RPL31: variants seen among roughly 807,000 people sequenced by gnomAD.
RPL31 encodes large ribosomal subunit protein eL31.
For synonymous variants in RPL31, 51 were observed against 55.0 expected (o/e 0.93, Z 0.32); for missense variants, 95 against 164.0 (o/e 0.58, Z 2.30).
intron 4 of RPL31, among the ~76,000 whole-genome samples, chr2:101,016,682 C>G (rs1573868067): frequency 6.6e-6 from 1 of 152,264 alleles, no homozygotes; most frequent in Middle Eastern, 3.4e-3. Flanking sequence ...CCCAAATGTC[C>G]AACAAGGATA....
At chr2:101,002,345 T>G (rs1222699557) in intron 1 of RPL31, 30 bp downstream of exon 1, 1 of 223,892 alleles carries the variant, frequency 4.5e-6, no homozygotes, top group African/African-American at 2.3e-5. Flanking sequence ...TCTGGGCTCC[T>G]GGAATCCAGC....
intron 4 of RPL31, among the ~76,000 whole-genome samples, chr2:101,014,854 C>T (rs1425354401): frequency 1.3e-5 from 2 of 152,206 alleles, no homozygotes; most frequent in Non-Finnish European, 2.9e-5. Context: ...CTCTCTTAGA[C>T]AACCAGTAGT....
At chr2:101,009,051 AG>A (rs1253958007), downstream of RPL31, among the ~76,000 whole-genome samples, 1 of 152,168 alleles carries the variant, frequency 6.6e-6, no homozygotes, top group African/African-American at 2.4e-5. Flanking sequence ...ATGTGAGGAC[AG>A]GTGCTTCAGG....
downstream of RPL31, among the ~76,000 whole-genome samples, chr2:101,008,726 C>T (rs1464984464): frequency 2.6e-5 from 4 of 151,784 alleles, no homozygotes; most frequent in Non-Finnish European, 5.9e-5. Context: ...GCAGGAGAAT[C>T]GCTTAAACCC....
chr2:101,012,337 T>C (rs1035427038), intron 4 of RPL31, among the ~76,000 whole-genome samples: 1 of 152,196 alleles, frequency 6.6e-6, no homozygotes, highest in East Asian at 1.9e-4. Context: ...AATCATGGCA[T>C]ACCCATGCAA....
At chr2:101,007,953 T>G, downstream of RPL31, 1 of 1,614,086 alleles carries the variant, frequency 6.2e-7, no homozygotes. Flanking sequence ...AGTTGACTAA[T>G]GACTGTTCAG....
chr2:101,010,768 G>C (rs960181995), downstream of RPL31, among the ~76,000 whole-genome samples: 1 of 151,730 alleles, frequency 6.6e-6, no homozygotes, highest in African/African-American at 2.4e-5. Context: ...TGTAATCCCA[G>C]CTACTCAGGA....
At chr2:101,012,445 A>AGC (rs1679287596) in intron 4 of RPL31, among the ~76,000 whole-genome samples, 2 of 152,224 alleles carry the variant, frequency 1.3e-5, no homozygotes, top group Non-Finnish European at 2.9e-5. Flanking sequence ...GTCGAACATG[A>AGC]TACAGCAACT....
chr2:101,006,431 GTTC>G lies in RPL31; in HGVS notation c.*53_*55del, dbSNP rs1267084246. On this transcript the variant is annotated 3_prime_UTR_variant, in exon 5 of 5. Transcript: ENST00000264258. Reference sequence around the variant, plus strand: ...GTTATAAAATTGCCTTCATGTTTTTGTTCTTTTTAGTTGCAACATAATGTACTT... The same window carrying G: ...GTTATAAAATTGCCTTCATGTTTTTGTTTTTAGTTGCAACATAATGTACTT... 7.1e-6 allele frequency: 11 copies of G among 1,544,696 alleles called. 1 individual carries two copies. Among genetic ancestry groups the G allele is most frequent in the Middle Eastern group, 4.5e-4 (2 of 4,486 alleles).
intron 2 of RPL31, among the ~76,000 whole-genome samples, chr2:101,003,474 G>C (rs1452160238): frequency 6.6e-6 from 1 of 152,124 alleles, no homozygotes; most frequent in Non-Finnish European, 1.5e-5. Context: ...GAAACTTGCA[G>C]TCCCCTTCCC....
chr2:101,019,086 T>C (rs1679867242), exon 5 of RPL31: 1 of 1,586,034 alleles, frequency 6.3e-7, no homozygotes, highest in Non-Finnish European at 8.6e-7. Flanking sequence ...CGGCTCTTCA[T>C]TGCTTCCTGA....
At chr2:101,018,194 A>C in intron 4 of RPL31, 1 of 347,002 alleles carries the variant, frequency 2.9e-6, no homozygotes, top group Non-Finnish European at 5.3e-6. Context: ...TTTAGAATTC[A>C]AATTATAACA....
chr2:101,006,116 T>C (rs370268728), intron 4 of RPL31, 45 bp downstream of exon 4: 7 of 1,594,048 alleles, frequency 4.4e-6, no homozygotes, highest in African/African-American at 4.1e-5. Context: ...ATTAGAAAAA[T>C]GTCCTTACCT....
Position 101,006,507 on chromosome 2 carries a change from T to G in RPL31, c.*126T>G. On this transcript the variant is annotated 3_prime_UTR_variant, in exon 5 of 5. Coordinates refer to ENST00000264258, the MANE Select transcript of RPL31 (RefSeq NM_000993.5). ...GATCATTTGAAGAGCTTTTCCCAAA[T>G]TGATGGCCTGTGCTGCCTTCTCCCC... 1.1e-6 allele frequency: 1 copy of G among 943,110 alleles called. No homozygotes were observed. The highest frequency in any genetic ancestry group is 1.5e-6 in the Non-Finnish European group (1 of 648,264). The allele number at this position is 943,110 out of a possible 1,614,324, so 58.4% of individuals were successfully genotyped here.
rs559820663 is a variant in RPL31 at position 101,004,503 on chromosome 2, A to C, written c.233+220A>C. 1.6e-4 allele frequency: 84 copies of C among 525,530 alleles called. No individual in the cohort carries two copies. The East Asian group carries it at 2.1e-3, about 13-fold the overall frequency. The allele number at this position is 525,530 out of a possible 1,614,324, so 32.6% of individuals were successfully genotyped here. Reference sequence around the variant, plus strand: ...ACCCAAGGGAAGGAGCCAGCAGTGTAGGGTGGGAAAGAGCATTGCAGAGAG... The same window carrying C: ...ACCCAAGGGAAGGAGCCAGCAGTGTCGGGTGGGAAAGAGCATTGCAGAGAG... On this transcript the variant is annotated intron_variant, in intron 3 of 4. Coordinates refer to ENST00000264258, the MANE Select transcript of RPL31 (RefSeq NM_000993.5).
At chr2:101,013,206 GC>G (rs1249854620) in intron 4 of RPL31, among the ~76,000 whole-genome samples, 1 of 152,154 alleles carries the variant, frequency 6.6e-6, no homozygotes, top group East Asian at 1.9e-4. Context: ...CCCAACCTCT[GC>G]CGTCACAGCA....
chr2:101,007,695 GGTT>G (rs557029567), downstream of RPL31: 102 of 967,296 alleles, frequency 1.1e-4, no homozygotes, highest in African/African-American at 1.5e-3. Context: ...CAGTTTGTCA[GGTT>G]GTTTAGCCAG....
rs145350458 is a variant in RPL31, at chr2:101,005,826, G to A, written c.234-133G>A. On this transcript the variant is annotated intron_variant, in intron 3 of 4. Transcript: ENST00000264258. ...GTTATGTTTCATTTTCCAGGGAACT[G>A]TAAGTTCTAGGTTGGTCAGAGTAGA... 781 of 697,824 alleles carry A rather than the reference G, an allele frequency of 1.1e-3. 6 individuals are homozygous for A. In the African/African-American group the frequency reaches 0.012, roughly 11 times the overall value. The allele number at this position is 697,824 out of a possible 1,614,324, so 43.2% of individuals were successfully genotyped here.
chr2:101,019,090 T>C, exon 5 of RPL31: 2 of 1,582,472 alleles, frequency 1.3e-6, no homozygotes, highest in Admixed American at 3.6e-5. Context: ...TCTTCATTGC[T>C]TCCTGAGCTG....
Sources: gnomAD v4.1 joint callset for allele counts (sites outside exome capture counted in the v4.1 genomes callset) on GRCh38, gnomAD v4.1.1 for gene constraint, MANE v1.5 for transcripts, NCBI Gene and HGNC (gene_info 2026-07-23, HGNC 2026-07-21) for gene names.